The following NXPH1 variants were observed in gnomAD, a reference collection of about 807,000 sequenced individuals.
NXPH1 encodes the protein neurexophilin-1.
NXPH1 carries 5 observed loss-of-function variants against 23.7 expected under a neutral mutation model. That is an observed-to-expected ratio of 0.21 (90% CI 0.11 to 0.44). The LOEUF (loss-of-function observed/expected upper bound fraction) is 0.44, where lower values mean the gene tolerates loss of function less well. Among genes scored for constraint, NXPH1 ranks in the 20% least tolerant of loss-of-function variants. NXPH1 has a pLI of 0.99. For missense variants in NXPH1, 324 were observed against 321.6 expected (o/e 1.01, Z -0.06); for synonymous variants, 144 against 122.2 (o/e 1.18, Z -1.18).
intron 2 of NXPH1, among the ~76,000 whole-genome samples, chr7:8,722,574 G>C (rs568802277): frequency 1.4e-4 from 21 of 152,256 alleles, no homozygotes; most frequent in African/African-American, 5.1e-4. Context: ...GTTTGCAAAT[G>C]GTGCCAATTT....
chr7:8,606,947 A>G (rs1426461621), intron 2 of NXPH1, among the ~76,000 whole-genome samples: 1 of 152,104 alleles, frequency 6.6e-6, no homozygotes, highest in Non-Finnish European at 1.5e-5. Context: ...CACTAATTTT[A>G]TTGATTGCTT....
chr7:8,663,343 T>G (rs10245646), intron 2 of NXPH1, among the ~76,000 whole-genome samples: 1 of 151,842 alleles, frequency 6.6e-6, no homozygotes, highest in Admixed American at 6.6e-5. Flanking sequence ...GACATTTAAC[T>G]ATGGGCCCCA....
intron 2 of NXPH1, among the ~76,000 whole-genome samples, chr7:8,572,705 T>C (rs535160124): frequency 6.6e-6 from 1 of 152,150 alleles, no homozygotes; most frequent in South Asian, 2.1e-4. Flanking sequence ...AAACCTCCTT[T>C]TCGGTTGGAT....
At chr7:8,461,034 A>G (rs376430728) in intron 2 of NXPH1, among the ~76,000 whole-genome samples, 3 of 152,190 alleles carry the variant, frequency 2.0e-5, no homozygotes, top group Non-Finnish European at 4.4e-5. Flanking sequence ...ACACTGATGG[A>G]TAAGTATTGG....
chr7:8,592,105 T>C (rs940862891), intron 2 of NXPH1, among the ~76,000 whole-genome samples: 2 of 151,834 alleles, frequency 1.3e-5, no homozygotes, highest in African/African-American at 4.8e-5. Context: ...ACTGTAAGGG[T>C]ACTATGGAGG....
At chr7:8,660,393 C>A (rs976824871) in intron 2 of NXPH1, among the ~76,000 whole-genome samples, 6 of 152,054 alleles carry the variant, frequency 3.9e-5, no homozygotes, top group Non-Finnish European at 4.4e-5. Flanking sequence ...TACATAAACA[C>A]GGGTGAAAGT....
intron 2 of NXPH1, among the ~76,000 whole-genome samples, chr7:8,494,361 A>C (rs1026890072): frequency 6.6e-6 from 1 of 151,858 alleles, no homozygotes; most frequent in Non-Finnish European, 1.5e-5. Flanking sequence ...CTTTGTATCC[A>C]CCTGTGAGAT....
intron 2 of NXPH1, among the ~76,000 whole-genome samples, chr7:8,501,331 G>A (rs1817428979): frequency 6.6e-6 from 1 of 151,972 alleles, no homozygotes; most frequent in South Asian, 2.1e-4. Context: ...GAAGCTTTTA[G>A]GAGTTGTACC....
chr7:8,517,007 A>C (rs565671985), intron 2 of NXPH1, among the ~76,000 whole-genome samples: 1 of 152,306 alleles, frequency 6.6e-6, no homozygotes, highest in African/African-American at 2.4e-5. Context: ...TGTATAAGTC[A>C]ATAAATTATA....
intron 2 of NXPH1, among the ~76,000 whole-genome samples, chr7:8,486,623 A>C (rs1162610907): frequency 6.6e-6 from 1 of 152,182 alleles, no homozygotes; most frequent in East Asian, 1.9e-4. Flanking sequence ...ATTAAGCGAG[A>C]TAATAAATGC....
intron 2 of NXPH1, among the ~76,000 whole-genome samples, chr7:8,508,240 T>A (rs933561914): frequency 1.3e-5 from 2 of 152,146 alleles, no homozygotes; most frequent in African/African-American, 2.4e-5. Context: ...TTTATAGGTA[T>A]ATTTCAACCC....
chr7:8,714,674 T>G (rs1779849235), intron 2 of NXPH1, among the ~76,000 whole-genome samples: 2 of 152,146 alleles, frequency 1.3e-5, no homozygotes, highest in Non-Finnish European at 2.9e-5. Context: ...TTGCCAGGAC[T>G]GGGTCTTTCC....
chr7:8,546,002 G>A (rs180853094), intron 2 of NXPH1, among the ~76,000 whole-genome samples: 5 of 151,572 alleles, frequency 3.3e-5, no homozygotes, highest in East Asian at 2.0e-4. Flanking sequence ...TGATTTCACC[G>A]TAAAGATTGT....
At chr7:8,471,502 T>G (rs1333330510) in intron 2 of NXPH1, among the ~76,000 whole-genome samples, 1 of 152,132 alleles carries the variant, frequency 6.6e-6, no homozygotes, top group Non-Finnish European at 1.5e-5. Flanking sequence ...AATCAATGGC[T>G]GCTTTGGAAA....
chr7:8,629,888 A>G (rs1441178237), intron 2 of NXPH1, among the ~76,000 whole-genome samples: 4 of 152,304 alleles, frequency 2.6e-5, no homozygotes, highest in African/African-American at 9.6e-5. Context: ...TAGATAATTT[A>G]GGTCCTACAA....
intron 2 of NXPH1, among the ~76,000 whole-genome samples, chr7:8,689,581 C>A (rs1293563515): frequency 6.6e-6 from 1 of 152,090 alleles, no homozygotes; most frequent in East Asian, 1.9e-4. Flanking sequence ...GGAACGGAGG[C>A]CTTTGGTAGA....
chr7:8,721,204 G>A (rs1337712056), intron 2 of NXPH1, among the ~76,000 whole-genome samples: 1 of 152,044 alleles, frequency 6.6e-6, no homozygotes, highest in Non-Finnish European at 1.5e-5. Context: ...GTGTCTCAAA[G>A]TTACTCTCAA....
At chr7:8,583,445 A>T (rs1008674514) in intron 2 of NXPH1, among the ~76,000 whole-genome samples, 2 of 152,206 alleles carry the variant, frequency 1.3e-5, no homozygotes, top group Admixed American at 1.3e-4. Flanking sequence ...TCATAAGATT[A>T]TGTGAATTTT....
At chr7:8,571,476 C>CCAAT (rs1818646634) in intron 2 of NXPH1, among the ~76,000 whole-genome samples, 2 of 151,592 alleles carry the variant, frequency 1.3e-5, no homozygotes, top group African/African-American at 4.9e-5. Flanking sequence ...TATTAAGCAG[C>CCAAT]CTGTAGGACA....
Sources: gnomAD v4.1 joint callset for allele counts (sites outside exome capture counted in the v4.1 genomes callset) on GRCh38, gnomAD v4.1.1 for gene constraint, MANE v1.5 for transcripts, NCBI Gene and HGNC (gene_info 2026-07-23, HGNC 2026-07-21) for gene names.